The following PKNOX2 variants were observed in gnomAD, a reference collection of about 807,000 sequenced individuals.
PKNOX2 encodes the protein homeobox protein PKNOX2.
A neutral mutation model predicts 53.1 loss-of-function variants in PKNOX2; 14 were observed. That is an observed-to-expected ratio of 0.26 (90% CI 0.17 to 0.41). The LOEUF is 0.41. PKNOX2 is among the 10% of genes least tolerant of loss of function. The pLI, the probability that PKNOX2 is intolerant of heterozygous loss-of-function variation, is 1.00. For synonymous variants in PKNOX2, 257 were observed against 242.8 expected (o/e 1.06, Z -0.54); for missense variants, 496 against 602.8 (o/e 0.82, Z 1.85).
At chr11:125,328,323 G>C (rs1949941876) in intron 2 of PKNOX2, among the ~76,000 whole-genome samples, 1 of 152,078 alleles carries the variant, frequency 6.6e-6, no homozygotes, top group Non-Finnish European at 1.5e-5. Flanking sequence ...AGAAGACAGG[G>C]AGAGAGCGGG....
At chr11:125,413,062 G>A (rs11220053) in intron 10 of PKNOX2, among the ~76,000 whole-genome samples, 12,508 of 152,224 alleles carry the variant, frequency 0.082, 574 homozygotes, top group Non-Finnish European at 0.093. Flanking sequence ...GCCGGAGCTC[G>A]GCATCTCCCC....
At chr11:125,277,975 G>T (rs1946290379) in intron 2 of PKNOX2, among the ~76,000 whole-genome samples, 1 of 152,032 alleles carries the variant, frequency 6.6e-6, no homozygotes, top group Non-Finnish European at 1.5e-5. Flanking sequence ...ACAACACTTT[G>T]GGAGGCTGAG....
At chr11:125,266,835 G>C (rs138303751) in intron 2 of PKNOX2, 341 of 152,320 alleles carry the variant, frequency 2.2e-3, no homozygotes, top group Non-Finnish European at 3.5e-3. Context: ...AGGTTCTAAA[G>C]TCATTTTACT....
chr11:125,255,178 A>G (rs1944320379), intron 2 of PKNOX2, among the ~76,000 whole-genome samples: 1 of 152,234 alleles, frequency 6.6e-6, no homozygotes, highest in African/African-American at 2.4e-5. Flanking sequence ...TAGCAGGATC[A>G]AAAATCGGCA....
At chr11:125,218,398 T>C (rs1284291819) in intron 1 of PKNOX2, among the ~76,000 whole-genome samples, 1 of 136,126 alleles carries the variant, frequency 7.3e-6, no homozygotes, top group Non-Finnish European at 1.6e-5. Context: ...GGGTGCTGCG[T>C]GGCAGTGATG....
rs569529217 is a variant in PKNOX2, at chr11:125,375,148, G to T, written c.227+7163G>T. Among the ~76,000 whole-genome samples the T allele has an allele frequency of 2.6e-5, 4 of 152,244 alleles. 1 individual carries two copies. In the South Asian group the frequency reaches 8.3e-4, roughly 32 times the overall value. ...TAGTCTGCATTCTGACTCTATCATC[G>T]GGCAAATCTTTAACTTCTTTAGATA... On this transcript the variant is annotated intron_variant, in intron 5 of 12. Transcript: ENST00000298282.
At chr11:125,343,335 C>T (rs1950806017) in intron 3 of PKNOX2, among the ~76,000 whole-genome samples, 2 of 152,178 alleles carry the variant, frequency 1.3e-5, no homozygotes, top group Admixed American at 1.3e-4. Context: ...AAGCGCACAC[C>T]ACTTCCGTGA....
At chr11:125,277,427 G>A (rs989179905) in intron 2 of PKNOX2, 1 of 152,212 alleles carries the variant, frequency 6.6e-6, no homozygotes, top group African/African-American at 2.4e-5. Flanking sequence ...GAATGTCCAG[G>A]AGGTTGGTAG....
intron 2 of PKNOX2, among the ~76,000 whole-genome samples, chr11:125,303,504 C>A (rs1022833416): frequency 2.0e-5 from 3 of 152,192 alleles, no homozygotes; most frequent in African/African-American, 7.2e-5. Flanking sequence ...GGATGGTGAG[C>A]TCTCTGGCGC....
intron 7 of PKNOX2, among the ~76,000 whole-genome samples, chr11:125,400,158 T>C (rs1426047873): frequency 6.6e-6 from 1 of 151,916 alleles, no homozygotes. Flanking sequence ...GACAATTGCG[T>C]GGTGGGTGTG....
chr11:125,178,510 C>CA lies in PKNOX2; in HGVS notation c.-201+13746dup, dbSNP rs56057149. On this transcript the variant is annotated intron_variant, in intron 1 of 12. Coordinates refer to ENST00000298282, the MANE Select transcript of PKNOX2 (RefSeq NM_001382323.2). Reference sequence around the variant, plus strand: ...TGGGCAGCAGAGCGAAACTCTGTCTCAAAAAAAAAAAAGAAGAAAGAAAGA... The same window carrying CA: ...TGGGCAGCAGAGCGAAACTCTGTCTCAAAAAAAAAAAAAGAAGAAAGAAAGA... Among the ~76,000 whole-genome samples, 299 of 91,892 alleles carry CA rather than the reference C, an allele frequency of 3.3e-3. 1 individual carries two copies. The highest frequency in any genetic ancestry group is 4.5e-3 in the Non-Finnish European group (212 of 46,676). The allele number at this position is 91,892 out of a possible 152,430, so 60.3% of individuals were successfully genotyped here.
intron 3 of PKNOX2, among the ~76,000 whole-genome samples, chr11:125,350,129 A>G (rs1039780309): frequency 3.3e-5 from 5 of 152,060 alleles, no homozygotes; most frequent in Non-Finnish European, 7.4e-5. Flanking sequence ...GCAACCTCCT[A>G]CCCTACAGTG....
At chr11:125,409,869 A>G (rs1955394116) in intron 7 of PKNOX2, among the ~76,000 whole-genome samples, 1 of 152,114 alleles carries the variant, frequency 6.6e-6, no homozygotes, top group Non-Finnish European at 1.5e-5. Flanking sequence ...ACTCTCTGAG[A>G]TTGGAACCCA....
At chr11:125,216,497 G>A (rs1167647876) in intron 1 of PKNOX2, among the ~76,000 whole-genome samples, 2 of 152,210 alleles carry the variant, frequency 1.3e-5, no homozygotes, top group Non-Finnish European at 2.9e-5. Context: ...AGGCACCGAG[G>A]CTGAGAACCC....
At chr11:125,298,610 G>C (rs1405479420) in intron 2 of PKNOX2, among the ~76,000 whole-genome samples, 1 of 152,216 alleles carries the variant, frequency 6.6e-6, no homozygotes, top group Non-Finnish European at 1.5e-5. Flanking sequence ...CAGGCCCCCA[G>C]TTCTGAGCCG....
chr11:125,338,434 A>C (rs1009232107), intron 3 of PKNOX2, among the ~76,000 whole-genome samples: 3 of 152,032 alleles, frequency 2.0e-5, no homozygotes, highest in Non-Finnish European at 2.9e-5. Context: ...TGAAGACAGC[A>C]AGGATCGTCC....
chr11:125,376,322 A>G (rs1458329244), intron 5 of PKNOX2, among the ~76,000 whole-genome samples: 2 of 152,174 alleles, frequency 1.3e-5, no homozygotes, highest in Non-Finnish European at 2.9e-5. Flanking sequence ...ATACACCCGC[A>G]TGGTTTCAAC....
intron 1 of PKNOX2, among the ~76,000 whole-genome samples, chr11:125,217,456 C>T (rs1045989222): frequency 2.0e-5 from 3 of 152,198 alleles, no homozygotes; most frequent in African/African-American, 7.2e-5. Context: ...TCACACTAGG[C>T]AGTTGTTAAC....
intron 1 of PKNOX2, among the ~76,000 whole-genome samples, chr11:125,230,879 G>T (rs1306243443): frequency 6.6e-6 from 1 of 152,190 alleles, no homozygotes. Flanking sequence ...TAGAAGCTAA[G>T]GTTAGGTAAA....
Sources: allele counts gnomAD v4.1 joint callset (sites outside exome capture counted in the v4.1 genomes callset), GRCh38; gene constraint gnomAD v4.1.1; transcripts MANE v1.5; gene names NCBI Gene and HGNC (gene_info 2026-07-23, HGNC 2026-07-21).